Variants in TVP23A observed in about 807,000 individuals in gnomAD.
TVP23A encodes Golgi apparatus membrane protein TVP23 homolog A.
In TVP23A, 21 loss-of-function variants were observed where a neutral mutation model predicts 31.7. The observed-to-expected ratio is 0.66, with a 90% confidence interval of 0.47 to 0.95. The LOEUF (loss-of-function observed/expected upper bound fraction) is 0.95. Ranked by LOEUF, TVP23A falls within the 40% of genes least tolerant of loss-of-function variation. The probability of loss-of-function intolerance (pLI) is 0.00; values close to 1 mark genes in which losing one functional copy is unlikely to be tolerated. For synonymous variants in TVP23A, 104 were observed against 96.0 expected, an observed-to-expected ratio of 1.08 and a Z score of -0.49; for missense variants, 279 against 255.6, an observed-to-expected ratio of 1.09 and a Z score of -0.62.
In TVP23A at chr16:10,769,061, T is replaced by C. The variant is rs1242783681; in HGVS notation, c.*41A>G. 8 of 1,614,110 alleles carry C rather than the reference T, an allele frequency of 5.0e-6. No homozygotes were observed. Among genetic ancestry groups the C allele is most frequent in the Non-Finnish European group, 5.9e-6 (7 of 1,180,012 alleles). On this transcript the variant is annotated 3_prime_UTR_variant, in exon 8 of 8. Transcript: ENST00000299866. ...TTGTTTTCCAGGAATCCAAGAGTTT[T>C]GTAATCTCCATCAGTCAAAAGAAGA... is the stretch of plus-strand genomic sequence containing the variant.
intron 7 of TVP23A, chr16:10,769,379 A>G: frequency 2.5e-6 from 1 of 393,076 alleles, no homozygotes; most frequent in Non-Finnish European, 4.5e-6. Context: ...CACGTAAAAA[A>G]CAAATGGGTT....
At chr16:10,789,990 G>A (rs2033007362) in intron 2 of TVP23A, among the ~76,000 whole-genome samples, 1 of 152,154 alleles carries the variant, frequency 6.6e-6, no homozygotes, top group Non-Finnish European at 1.5e-5. Context: ...CTAAAGACCT[G>A]GGATCAATAG....
chr16:10,773,945 G>T (rs2031813058), intron 4 of TVP23A, 94 bp downstream of exon 4: 2 of 972,158 alleles, frequency 2.1e-6, no homozygotes, highest in Middle Eastern at 3.0e-4. Flanking sequence ...TGTAAGGCAG[G>T]AATCAGATAT....
intron 2 of TVP23A, among the ~76,000 whole-genome samples, chr16:10,775,745 T>C (rs2031966802): frequency 1.7e-5 from 1 of 57,558 alleles, no homozygotes; most frequent in Admixed American, 1.3e-4. Context: ...ATTGCTTTTC[T>C]TTTTTTTTTT....
chr16:10,762,897 G>A (rs948101174), downstream of TVP23A, among the ~76,000 whole-genome samples: 11 of 152,224 alleles, frequency 7.2e-5, no homozygotes, highest in Admixed American at 5.2e-4. Context: ...AGGGCTGCAT[G>A]GGGAGAATGG....
intron 5 of TVP23A, among the ~76,000 whole-genome samples, chr16:10,772,580 G>A (rs71381179): frequency 0.044 from 6,686 of 152,256 alleles, 199 homozygotes; most frequent in Non-Finnish European, 0.065. Flanking sequence ...ATGTTGGCCA[G>A]GCTGGTCTCA....
At chr16:10,760,579 A>G (rs1245897462), downstream of TVP23A, among the ~76,000 whole-genome samples, 1 of 152,170 alleles carries the variant, frequency 6.6e-6, no homozygotes, top group Non-Finnish European at 1.5e-5. Flanking sequence ...TCTATAAAAA[A>G]TTAAAAAGTT....
chr16:10,816,372 C>T (rs537072792), intron 2 of TVP23A, among the ~76,000 whole-genome samples: 9 of 150,748 alleles, frequency 6.0e-5, no homozygotes, highest in Admixed American at 3.3e-4. Flanking sequence ...CTCACTCTGT[C>T]GCCCAGACTG....
At position 10,771,926 on chromosome 16, in the gene TVP23A, C is replaced by T. The variant is rs2031656342; in HGVS notation, c.454-128G>A. ...TTCCGCCTCCCGGGTTCACACCATT[C>T]TCCTGCCTCAGCCTCCCGAGTAGCT... On this transcript the variant is annotated intron_variant, in intron 5 of 7. Transcript: ENST00000299866. 7 of 1,244,366 alleles carry T rather than the reference C, an allele frequency of 5.6e-6. No homozygotes were observed. The East Asian group carries it at 1.1e-4, about 19-fold the overall frequency. 77.1% of individuals were successfully genotyped at this position (1,244,366 alleles called of 1,614,324 possible).
rs369765571 is a variant in TVP23A at position 10,770,066 on chromosome 16, C to T, written c.*206G>A. ...GTGAGGAAGGTGTGACCTCGCCCCC[C>T]GACCCCCAGCTCCTCACGCCAAGAG... On this transcript the variant is annotated intron_variant, in intron 7 of 7. Transcript: ENST00000299866. Among the ~76,000 whole-genome samples, 288 of 152,344 alleles carry T rather than the reference C, an allele frequency of 1.9e-3. 3 individuals carry two copies. In the South Asian group the frequency reaches 0.033, roughly 18 times the overall value.
chr16:10,811,601 C>G (rs1324646104), intron 2 of TVP23A, among the ~76,000 whole-genome samples: 2 of 152,034 alleles, frequency 1.3e-5, no homozygotes, highest in Non-Finnish European at 1.5e-5. Context: ...TAAACACACA[C>G]ACACACACAC....
rs1055746487 is a variant in TVP23A, at chr16:10,768,040, T to C, written c.*1062A>G. The C allele has an allele frequency of 6.2e-7, 1 of 1,613,194 alleles. No homozygotes were observed. Among genetic ancestry groups the C allele is most frequent in the Non-Finnish European group, 8.5e-7 (1 of 1,179,258 alleles). On this transcript the variant is annotated 3_prime_UTR_variant, in exon 8 of 8. Coordinates refer to ENST00000299866, the MANE Select transcript of TVP23A (RefSeq NM_001079512.4). The surrounding 1 kb of genome is among the most constrained non-coding windows in gnomAD (Gnocchi z 4.3). ...ACAGAAGTATAATTCAGAGTAAGTATTTCCATGAGTACTAAATGCAGATGC... is the reference window on the plus strand; with the variant it reads ...ACAGAAGTATAATTCAGAGTAAGTACTTCCATGAGTACTAAATGCAGATGC...
downstream of TVP23A, among the ~76,000 whole-genome samples, chr16:10,763,141 A>G (rs1318850818): frequency 6.6e-6 from 1 of 151,804 alleles, no homozygotes; most frequent in Non-Finnish European, 1.5e-5. Flanking sequence ...CAGGGGTGGT[A>G]GAGGGAGGCC....
At chr16:10,769,220 G>GGTC in intron 7 of TVP23A, 119 bp from the exon 8 acceptor site, 1 of 858,534 alleles carries the variant, frequency 1.2e-6, no homozygotes, top group Non-Finnish European at 1.9e-6. Context: ...AGGACCAGAT[G>GGTC]CTGGTGTGGT....
Position 10,818,574 on chromosome 16 carries a change from C to T in TVP23A, c.-81G>A. 1 of 1,531,602 alleles carries T rather than the reference C, an allele frequency of 6.5e-7. No homozygotes were observed. The highest frequency in any genetic ancestry group is 8.7e-7 in the Non-Finnish European group (1 of 1,143,186). The allele number at this position is 1,531,602 out of a possible 1,614,324, so 94.9% of individuals were successfully genotyped here. On this transcript the variant is annotated 5_prime_UTR_variant, in exon 1 of 8. Transcript: ENST00000299866. The surrounding 1 kb of genome is among the most constrained non-coding windows in gnomAD (Gnocchi z 4.7). ...GCCGCTGAAGGGGTCGGACGCCGGG[C>T]GGGCGGATGTAGGCAGCAGACGGTG...
Position 10,818,685 on chromosome 16 carries a change from A to G in TVP23A, c.-192T>C. 1 of 600,298 alleles carries G rather than the reference A, an allele frequency of 1.7e-6. No homozygotes were observed. The highest frequency in any genetic ancestry group is 2.6e-6 in the Non-Finnish European group (1 of 378,208). 37.2% of individuals were successfully genotyped at this position (600,298 alleles called of 1,614,324 possible). A position where few individuals can be genotyped will look rare whatever the true frequency, so the allele number is the denominator to read the frequency against. ...GCGGGGCGCTCGGGGCCTAAGGCGC[A>G]GTCGCAGGCTGGGGAGGGGGCTCGG... On this transcript the variant is annotated 5_prime_UTR_variant, in exon 1 of 8. Transcript: ENST00000299866. This position sits in a 1 kb window ranked among gnomAD's most constrained non-coding sequence, Gnocchi z 4.7.
intron 2 of TVP23A, among the ~76,000 whole-genome samples, chr16:10,780,744 A>G (rs2032371468): frequency 6.6e-6 from 1 of 152,122 alleles, no homozygotes; most frequent in African/African-American, 2.4e-5. Flanking sequence ...GTGGTACATA[A>G]AAGTGCCTGA....
chr16:10,757,987 C>T (rs781671767), downstream of TVP23A: 4 of 1,614,110 alleles, frequency 2.5e-6, no homozygotes, highest in Non-Finnish European at 2.5e-6. This position sits in a 1 kb window ranked among gnomAD's most constrained non-coding sequence, Gnocchi z 4.1. Context: ...TACCTGGCCA[C>T]AGCACACATC....
rs2033202348 is a variant in TVP23A at position 10,793,249 on chromosome 16, C to G, written c.90-18153G>C. On this transcript the variant is annotated intron_variant, in intron 2 of 7. Transcript: ENST00000299866. ...CAAGATCGCACCACTGCACTCCAGC[C>G]TGGGCGACACAGCAAGACTCTGTCT... Among the ~76,000 whole-genome samples, 3 of 152,172 alleles carry G rather than the reference C, an allele frequency of 2.0e-5. No individual in the cohort carries two copies. The South Asian group carries it at 6.2e-4, about 32-fold the overall frequency.
Sources: allele counts gnomAD v4.1 joint callset (sites outside exome capture counted in the v4.1 genomes callset), GRCh38; gene constraint gnomAD v4.1.1; non-coding constraint Gnocchi (gnomAD v3.1); transcripts MANE v1.5; gene names NCBI Gene and HGNC (gene_info 2026-07-23, HGNC 2026-07-21).